GLIS3: variants seen among roughly 807,000 people sequenced by gnomAD.
GLIS3 encodes the protein GLIS family zinc finger 3.
GLIS3 carries 53 observed loss-of-function variants against 78.6 expected under a neutral mutation model. That is an observed-to-expected ratio of 0.67 (90% CI 0.54 to 0.85). The LOEUF (loss-of-function observed/expected upper bound fraction) is 0.85, where lower values mean the gene tolerates loss of function less well. Ranked by LOEUF, GLIS3 falls within the 40% of genes least tolerant of loss-of-function variation. The pLI is 0.00. For missense variants in GLIS3, 1,703 were observed against 1,231.1 expected, an observed-to-expected ratio of 1.38 and a Z score of -5.74; for synonymous variants, 684 against 509.9, an observed-to-expected ratio of 1.34 and a Z score of -4.60.
At chr9:4,388,237 G>A in the GLIS3 span, among the ~76,000 whole-genome samples, 1 of 152,076 alleles carries the variant, frequency 6.6e-6, no homozygotes, top group Non-Finnish European at 1.5e-5. Flanking sequence ...GAATAAGCAA[G>A]CAAAAAATAT....
chr9:4,265,866 C>T (rs1825949377), intron 2 of GLIS3, among the ~76,000 whole-genome samples: 1 of 151,798 alleles, frequency 6.6e-6, no homozygotes, highest in South Asian at 2.1e-4. Context: ...CAACCAAAAG[C>T]AGAATGTTTT....
At chr9:4,077,915 T>A (rs939910626) in intron 4 of GLIS3, among the ~76,000 whole-genome samples, 1 of 152,192 alleles carries the variant, frequency 6.6e-6, no homozygotes, top group African/African-American at 2.4e-5. Flanking sequence ...TCCAATCTCT[T>A]TCCTTTGTTC....
intron 3 of GLIS3, among the ~76,000 whole-genome samples, chr9:4,122,029 G>A (rs943884762): frequency 1.3e-5 from 2 of 152,136 alleles, no homozygotes; most frequent in African/African-American, 4.8e-5. Context: ...TCTGGTGATT[G>A]GTTAATTTGG....
At chr9:4,091,769 C>A (rs806042) in intron 4 of GLIS3, among the ~76,000 whole-genome samples, 19 of 151,990 alleles carry the variant, frequency 1.3e-4, no homozygotes, top group African/African-American at 4.4e-4. Flanking sequence ...CCCAGCCCTG[C>A]GGAACCCCTC....
intron 4 of GLIS3, among the ~76,000 whole-genome samples, chr9:4,032,192 G>A (rs1385190205): frequency 2.0e-5 from 3 of 152,146 alleles, no homozygotes; most frequent in Non-Finnish European, 4.4e-5. Flanking sequence ...AACCACAGAC[G>A]TTCACTACAC....
intron 2 of GLIS3, among the ~76,000 whole-genome samples, chr9:4,281,558 T>C (rs1019906320): frequency 1.3e-5 from 2 of 152,238 alleles, no homozygotes; most frequent in African/African-American, 4.8e-5. Flanking sequence ...GACTGGTGCA[T>C]TTCATTTAGC....
intron 6 of GLIS3, among the ~76,000 whole-genome samples, chr9:3,916,270 C>T (rs1019354977): frequency 1.3e-5 from 2 of 152,150 alleles, no homozygotes; most frequent in East Asian, 1.9e-4. Flanking sequence ...CCTAGCATCA[C>T]GAAGATCAAA....
At chr9:3,912,131 A>C (rs1367934159) in intron 6 of GLIS3, among the ~76,000 whole-genome samples, 1 of 152,176 alleles carries the variant, frequency 6.6e-6, no homozygotes, top group African/African-American at 2.4e-5. Flanking sequence ...TTAACTCCGT[A>C]GGCTTGTAAC....
rs144061925 is a variant in GLIS3 at position 3,923,849 on chromosome 9, T to C, written c.1983+8511A>G. Among the ~76,000 whole-genome samples, 894 of 152,330 alleles carry C rather than the reference T, an allele frequency of 5.9e-3. 7 individuals are homozygous for C. Among genetic ancestry groups the C allele is most frequent in the Non-Finnish European group, 8.8e-3 (599 of 68,028 alleles). On this transcript the variant is annotated intron_variant, in intron 6 of 10. Coordinates refer to ENST00000381971, the MANE Select transcript of GLIS3 (RefSeq NM_001042413.2). ...TGACAAGCAACCATCCTAAAAGCCA[T>C]GCTTTTCTATTATAGTTAAAAGAAT... is the stretch of plus-strand genomic sequence containing the variant.
intron 2 of GLIS3, among the ~76,000 whole-genome samples, chr9:4,141,856 A>C (rs1462051903): frequency 1.3e-5 from 2 of 152,240 alleles, no homozygotes; most frequent in Non-Finnish European, 2.9e-5. Flanking sequence ...AATCTGGCTG[A>C]GGCCTACATA....
In GLIS3 at chr9:4,279,314, A is replaced by AAAAATAT. The variant is rs1425536070; in HGVS notation, c.388+6723_388+6724insATATTTT. 1.5e-4 allele frequency among the ~76,000 whole-genome samples: 12 copies of AAAAATAT among 82,646 alleles called. 1 individual carries two copies. The highest frequency in any genetic ancestry group is 4.7e-4 in the African/African-American group (12 of 25,730). 54.2% of individuals were successfully genotyped at this position (82,646 alleles called of 152,430 possible). ...CTCCATCTCAAAAAAAAAAAAAAAA[A>AAAAATAT]ATATATATATACACACACACACACA... On this transcript the variant is annotated intron_variant, in intron 2 of 10. Transcript: ENST00000381971.
intron 4 of GLIS3, among the ~76,000 whole-genome samples, chr9:4,006,829 A>G (rs1821589318): frequency 6.6e-6 from 1 of 152,232 alleles, no homozygotes; most frequent in African/African-American, 2.4e-5. Flanking sequence ...AGCTAAATGT[A>G]AGGATGAAGG....
chr9:3,863,546 G>T lies in GLIS3; in HGVS notation c.2298-7362C>A, dbSNP rs554569051. ...GCTTGTGCTCCCTATGAGAGGCTGG[G>T]TCAGTATTAACTGCAAATAATTCAT... On this transcript the variant is annotated intron_variant, in intron 8 of 10. Transcript: ENST00000381971. Among the ~76,000 whole-genome samples the T allele has an allele frequency of 3.3e-5, 5 of 152,338 alleles. No homozygotes were observed. In the South Asian group the frequency reaches 8.3e-4, roughly 25 times the overall value.
chr9:4,449,044 C>G, the GLIS3 span, among the ~76,000 whole-genome samples: 1 of 152,140 alleles, frequency 6.6e-6, no homozygotes, highest in Non-Finnish European at 1.5e-5. Flanking sequence ...CACAAGGGGT[C>G]AGGGGATTTC....
At chr9:4,425,919 G>T in the GLIS3 span, among the ~76,000 whole-genome samples, 3 of 152,166 alleles carry the variant, frequency 2.0e-5, no homozygotes, top group African/African-American at 4.8e-5. Context: ...GTCCCAGGAA[G>T]GCCCCAGAAA....
chr9:3,853,048 A>G (rs1819534151), intron 9 of GLIS3, among the ~76,000 whole-genome samples: 1 of 152,100 alleles, frequency 6.6e-6, no homozygotes, highest in South Asian at 2.1e-4. Flanking sequence ...ATTTCTACAA[A>G]AACAATAAAT....
intron 2 of GLIS3, among the ~76,000 whole-genome samples, chr9:4,170,637 G>A (rs1299293100): frequency 6.6e-6 from 1 of 152,130 alleles, no homozygotes; most frequent in East Asian, 1.9e-4. Flanking sequence ...CCCTAAAACA[G>A]TAAGCCTCCA....
chr9:4,190,093 C>T (rs533517351), intron 2 of GLIS3, among the ~76,000 whole-genome samples: 1 of 152,230 alleles, frequency 6.6e-6, no homozygotes, highest in African/African-American at 2.4e-5. Flanking sequence ...AAAAACAGAA[C>T]AGAAAAACTG....
At chr9:4,274,715 C>A (rs553448225) in intron 2 of GLIS3, among the ~76,000 whole-genome samples, 5 of 152,334 alleles carry the variant, frequency 3.3e-5, no homozygotes, top group East Asian at 1.9e-4. Context: ...GCACAGGGCA[C>A]CCCTTCTGAG....
Sources: allele counts gnomAD v4.1 joint callset (sites outside exome capture counted in the v4.1 genomes callset), GRCh38; gene constraint gnomAD v4.1.1; transcripts MANE v1.5; gene names NCBI Gene and HGNC (gene_info 2026-07-23, HGNC 2026-07-21).